The following MMP8 variants were observed in gnomAD, a reference collection of about 807,000 sequenced individuals.
MMP8 encodes the protein neutrophil collagenase.
In MMP8, 67 loss-of-function variants were observed where a neutral mutation model predicts 51.2. The ratio of observed to expected loss-of-function variants is 1.31; its 90% CI spans 1.08 to 1.60. The LOEUF (loss-of-function observed/expected upper bound fraction) is 1.60, where lower values mean the gene tolerates loss of function less well. MMP8 is among the 40% of genes most tolerant of loss of function. The probability of loss-of-function intolerance (pLI) is 0.00; values close to 1 mark genes in which losing one functional copy is unlikely to be tolerated. For synonymous variants in MMP8, 225 were observed against 191.0 expected (o/e 1.18, Z -1.47); for missense variants, 654 against 558.1 (o/e 1.17, Z -1.73).
chr11:102,715,221 A>G (rs994139564), intron 7 of MMP8, 83 bp downstream of exon 7: 4 of 1,495,664 alleles, frequency 2.7e-6, no homozygotes, highest in Non-Finnish European at 3.6e-6. Context: ...TTAGCTCACC[A>G]TGAACCTGAA....
At chr11:102,715,221 A>T in intron 7 of MMP8, 83 bp downstream of exon 7, 1 of 1,495,782 alleles carries the variant, frequency 6.7e-7, no homozygotes. Flanking sequence ...TTAGCTCACC[A>T]TGAACCTGAA....
chr11:102,722,712 G>A, intron 1 of MMP8, 39 bp from the exon 2 acceptor site: 1 of 1,606,074 alleles, frequency 6.2e-7, no homozygotes, highest in Non-Finnish European at 8.5e-7. Context: ...TGCTGTGAAA[G>A]GACCTCCAGT....
intron 4 of MMP8, among the ~76,000 whole-genome samples, chr11:102,719,487 T>C (rs541779997): frequency 2.6e-5 from 4 of 152,326 alleles, no homozygotes; most frequent in Non-Finnish European, 5.9e-5. Flanking sequence ...TTATTAACAA[T>C]ATTTTTATAG....
Position 102,722,721 on chromosome 11 carries a change from G to A in MMP8, c.103-48C>T, listed in dbSNP as rs765317450. On this transcript the variant is annotated intron_variant, in intron 1 of 9. Coordinates refer to ENST00000236826, the MANE Select transcript of MMP8 (RefSeq NM_002424.3). ...GGGTCTTGCTGTGAAAGGACCTCCA[G>A]TTCTCTGGTCATTTTGCAACCCTTT... The A allele has an allele frequency of 5.6e-6, 9 of 1,600,314 alleles. No individual in the cohort carries two copies. The Admixed American group carries it at 6.9e-5, about 12-fold the overall frequency.
chr11:102,714,477 C>G, intron 8 of MMP8, 79 bp downstream of exon 8: 1 of 1,021,840 alleles, frequency 9.8e-7, no homozygotes. Flanking sequence ...TGTTTTAAAC[C>G]TTGAAATGCT....
chr11:102,716,348 C>G lies in MMP8; in HGVS notation c.856G>C (p.Asp286His). 1 of 1,494,050 alleles carries G rather than the reference C, an allele frequency of 6.7e-7. No individual in the cohort carries two copies. The highest frequency in any genetic ancestry group is 9.0e-7 in the Non-Finnish European group (1 of 1,110,630). 92.5% of individuals were successfully genotyped at this position (1,494,050 alleles called of 1,614,324 possible). The change falls in exon 6 of 10, where the codon GAT (aspartate) becomes CAT (histidine). Residue 286 changes from aspartate to histidine, a missense_variant. Asp to His is a moderately conservative substitution (Grantham distance 81, BLOSUM62 -1). Coordinates refer to ENST00000236826, the MANE Select transcript of MMP8 (RefSeq NM_002424.3). ...TCTCCACGGAGTGTGGTGATAGCAT[C>G]AAATGTCAAACTGGGGTCACAGGGT... The part of the protein sequence containing the change: ...PKPCDPSLTF[D>H]AITTLRGEIL...
rs1861500767 is a variant in MMP8, at chr11:102,722,455, C to A, written c.321G>T (p.Lys107Asn). 6.2e-7 allele frequency: 1 copy of A among 1,613,818 alleles called. No individual in the cohort carries two copies. The highest frequency in any genetic ancestry group is 8.5e-7 in the Non-Finnish European group (1 of 1,179,792). ...TGTAGGTCAAGTTAGTGCGTTCCCA[C>A]TTGGGGTTTCCTGGGGTTAACATAA... ...GGFMLTPGNP[K>N]WERTNLTYRI... The change falls in exon 2 of 10, where the codon AAG (lysine) becomes AAT (asparagine). Residue 107 changes from lysine (K) to asparagine (N), a missense_variant. Coordinates refer to ENST00000236826, the MANE Select transcript of MMP8 (RefSeq NM_002424.3).
intron 6 of MMP8, among the ~76,000 whole-genome samples, chr11:102,715,961 C>T (rs1396354836): frequency 6.6e-6 from 1 of 152,052 alleles, no homozygotes; most frequent in Non-Finnish European, 1.5e-5. Flanking sequence ...GCAGCTGTAG[C>T]CCATGTCTGT....
chr11:102,723,539 G>C (rs1861535413), intron 1 of MMP8: 1 of 455,812 alleles, frequency 2.2e-6, no homozygotes, highest in Middle Eastern at 3.3e-4. Flanking sequence ...TTCTGAGATG[G>C]CCTTGTGCTG....
chr11:102,715,349 C>G lies in MMP8; in HGVS notation c.991G>C (p.Ala331Pro), dbSNP rs745599841. The G allele has an allele frequency of 1.1e-5, 17 of 1,613,202 alleles. No individual in the cohort carries two copies. The highest frequency in any genetic ancestry group is 2.2e-5 in the East Asian group (1 of 44,860). Residue 331 changes from alanine (A) to proline (P), a missense_variant, in exon 7 of 10, where the codon GCT becomes CCT. Physicochemically the swap from Ala to Pro is conservative, Grantham distance 27. Transcript: ENST00000236826. Reference protein sequence around the residue: ...FWPSLPTGIQAAYEDFDRDLI... With the variant: ...FWPSLPTGIQPAYEDFDRDLI... ...TCTCTGTCAAAATCTTCATAAGCAGCCTGTATACCAGTTGGAAGGGATGGC... is the reference window on the plus strand; with the variant it reads ...TCTCTGTCAAAATCTTCATAAGCAGGCTGTATACCAGTTGGAAGGGATGGC...
intron 1 of MMP8, chr11:102,723,947 T>C (rs975265734): frequency 3.0e-5 from 10 of 330,790 alleles, no homozygotes; most frequent in Admixed American, 2.6e-4. Context: ...TTTTTGTCTC[T>C]GAAATGAAAA....
At chr11:102,723,489 G>C in intron 1 of MMP8, 1 of 455,826 alleles carries the variant, frequency 2.2e-6, no homozygotes, top group South Asian at 1.6e-5. Context: ...CAATTCTGGA[G>C]GCTGGGAAGT....
chr11:102,717,705 G>A (rs192792069), intron 5 of MMP8, among the ~76,000 whole-genome samples: 2 of 152,162 alleles, frequency 1.3e-5, no homozygotes, highest in African/African-American at 4.8e-5. Context: ...AACATCTTTG[G>A]CATGATTTGT....
At chr11:102,718,865 G>A (rs1245929508) in intron 4 of MMP8, among the ~76,000 whole-genome samples, 1 of 152,202 alleles carries the variant, frequency 6.6e-6, no homozygotes, top group African/African-American at 2.4e-5. Context: ...TCTGAGACTT[G>A]GAGAAGTAAT....
intron 1 of MMP8, chr11:102,723,513 G>A: frequency 2.2e-6 from 1 of 456,096 alleles, no homozygotes; most frequent in Non-Finnish European, 4.4e-6. Flanking sequence ...AGATCAGGTG[G>A]CTGCATCTGG....
intron 7 of MMP8, 124 bp downstream of exon 7, chr11:102,715,180 T>C: frequency 2.4e-6 from 3 of 1,227,664 alleles, no homozygotes; most frequent in Non-Finnish European, 3.3e-6. Flanking sequence ...CCTAGTCTTC[T>C]GGCAAAAGCC....
rs566942020 is a variant in MMP8, at chr11:102,718,730, G to A, written c.623-155C>T. Among the ~76,000 whole-genome samples, 3 of 152,300 alleles carry A rather than the reference G, an allele frequency of 2.0e-5. No individual in the cohort carries two copies. In the South Asian group the frequency reaches 6.2e-4, roughly 32 times the overall value. The stretch of plus-strand genomic sequence containing the variant: ...ATCTTTCTTTCAGATACCTGAGAAA[G>A]TGGACATTGAGAAGAATCAAGATAG... On this transcript the variant is annotated intron_variant, in intron 4 of 9. Transcript: ENST00000236826.
intron 4 of MMP8, among the ~76,000 whole-genome samples, chr11:102,719,603 T>G (rs1388026068): frequency 6.6e-6 from 1 of 152,246 alleles, no homozygotes; most frequent in African/African-American, 2.4e-5. Context: ...ATCCATGCTC[T>G]TACTGCAATG....
At chr11:102,715,601 C>T (rs1861269191) in intron 6 of MMP8, among the ~76,000 whole-genome samples, 164 bp from the exon 7 acceptor site, 1 of 152,286 alleles carries the variant, frequency 6.6e-6, no homozygotes, top group African/African-American at 2.4e-5. Context: ...TATGGCGAAG[C>T]TTTATAGTGA....
Sources: gnomAD v4.1 joint callset for allele counts (sites outside exome capture counted in the v4.1 genomes callset) on GRCh38, gnomAD v4.1.1 for gene constraint, MANE v1.5 for transcripts, NCBI Gene and HGNC (gene_info 2026-07-23, HGNC 2026-07-21) for gene names.